CCDC171: variants seen among roughly 807,000 people sequenced by gnomAD.
CCDC171 encodes coiled-coil domain containing 171, also known as coiled-coil domain-containing protein 171.
CCDC171 carries 177 observed loss-of-function variants against 168.2 expected under a neutral mutation model. The observed-to-expected ratio is 1.05, with a 90% CI of 0.93 to 1.19. CCDC171 has a LOEUF of 1.19. Among genes scored for constraint, CCDC171 ranks in the 50% most tolerant of loss-of-function variants. The probability of loss-of-function intolerance (pLI) is 0.00; values close to 1 mark genes in which losing one functional copy is unlikely to be tolerated. For synonymous variants in CCDC171, 687 were observed against 540.8 expected (o/e 1.27, Z -3.75); for missense variants, 1,991 against 1,539.0 (o/e 1.29, Z -4.91).
intron 6 of CCDC171, among the ~76,000 whole-genome samples, chr9:15,614,722 A>C (rs1047092786): frequency 3.3e-5 from 5 of 152,210 alleles, no homozygotes; most frequent in African/African-American, 1.2e-4. Flanking sequence ...GATAATTTTT[A>C]AAAATATCAT....
chr9:15,735,957 T>C (rs1285577901), intron 16 of CCDC171, among the ~76,000 whole-genome samples: 1 of 152,156 alleles, frequency 6.6e-6, no homozygotes, highest in Non-Finnish European at 1.5e-5. Context: ...CTTGATATAA[T>C]TTTCAATGCT....
At chr9:15,992,303 A>G (rs897835738) in intron 3 of CCDC171, among the ~76,000 whole-genome samples, 9 of 152,230 alleles carry the variant, frequency 5.9e-5, no homozygotes, top group African/African-American at 1.4e-4. Flanking sequence ...GTAATCCAGC[A>G]TATAAACAGA....
chr9:15,659,964 A>G (rs186662682), intron 8 of CCDC171, among the ~76,000 whole-genome samples: 1 of 152,314 alleles, frequency 6.6e-6, no homozygotes, highest in East Asian at 1.9e-4. Flanking sequence ...ATTAAAAGCT[A>G]CTGCTTTCAA....
At chr9:16,091,549 C>T in the CCDC171 span, among the ~76,000 whole-genome samples, 1 of 152,156 alleles carries the variant, frequency 6.6e-6, no homozygotes, top group Non-Finnish European at 1.5e-5. Context: ...GAGCACAGGC[C>T]TGGTGTGAGT....
intron 7 of CCDC171, among the ~76,000 whole-genome samples, chr9:15,647,600 C>A (rs1400429258): frequency 6.6e-6 from 1 of 152,142 alleles, no homozygotes; most frequent in Non-Finnish European, 1.5e-5. Context: ...AGACTACCAT[C>A]AGAGAATACT....
chr9:16,019,237 C>T (rs1048904540), intron 3 of CCDC171, among the ~76,000 whole-genome samples: 1 of 152,102 alleles, frequency 6.6e-6, no homozygotes, highest in African/African-American at 2.4e-5. Flanking sequence ...AAGGCAGGTC[C>T]CTGGAAAAAA....
At chr9:15,563,745 G>C (rs536072155) in intron 1 of CCDC171, among the ~76,000 whole-genome samples, 1 of 152,192 alleles carries the variant, frequency 6.6e-6, no homozygotes, top group East Asian at 1.9e-4. Context: ...AGATCCTTTG[G>C]ATCTATATGT....
chr9:16,033,342 C>T (rs1246392214), intron 6 of CCDC171, among the ~76,000 whole-genome samples: 1 of 152,228 alleles, frequency 6.6e-6, no homozygotes, highest in Non-Finnish European at 1.5e-5. Flanking sequence ...TTCATCTGTA[C>T]TTACAGCCAC....
At chr9:15,709,210 T>C (rs2052473041) in intron 11 of CCDC171, among the ~76,000 whole-genome samples, 1 of 152,154 alleles carries the variant, frequency 6.6e-6, no homozygotes, top group South Asian at 2.1e-4. Flanking sequence ...ATTCTCCTCC[T>C]ACTCCGAAAA....
At chr9:15,876,478 G>A (rs537792834) in intron 24 of CCDC171, among the ~76,000 whole-genome samples, 2 of 152,010 alleles carry the variant, frequency 1.3e-5, no homozygotes, top group African/African-American at 2.4e-5. Flanking sequence ...CAAACACAAC[G>A]GGTAACTCCT....
chr9:15,691,397 C>T (rs947938633), intron 10 of CCDC171, among the ~76,000 whole-genome samples: 1 of 150,242 alleles, frequency 6.7e-6, no homozygotes, highest in African/African-American at 2.4e-5. Flanking sequence ...AATTATAAAA[C>T]ACATTGTGAA....
intron 25 of CCDC171, among the ~76,000 whole-genome samples, chr9:15,929,716 C>T (rs1245584979): frequency 6.6e-6 from 1 of 151,706 alleles, no homozygotes; most frequent in Admixed American, 6.6e-5. Context: ...CTTTTTTCTT[C>T]TATTCACCCT....
chr9:15,903,984 T>G (rs1176615671), intron 24 of CCDC171, among the ~76,000 whole-genome samples: 1 of 152,000 alleles, frequency 6.6e-6, no homozygotes, highest in Non-Finnish European at 1.5e-5. Flanking sequence ...GAAAACAGAA[T>G]GAAAAGAAAC....
At chr9:15,760,505 C>G (rs2056384437) in intron 18 of CCDC171, among the ~76,000 whole-genome samples, 1 of 152,186 alleles carries the variant, frequency 6.6e-6, no homozygotes, top group African/African-American at 2.4e-5. Flanking sequence ...ATTACTTAAT[C>G]TCATTTCAGC....
intron 25 of CCDC171, among the ~76,000 whole-genome samples, chr9:15,921,039 A>G (rs1487899984): frequency 1.3e-5 from 2 of 151,748 alleles, no homozygotes; most frequent in African/African-American, 4.8e-5. Context: ...ACATAAAGGA[A>G]TAAGTAAACA....
the CCDC171 span, among the ~76,000 whole-genome samples, chr9:16,094,724 C>A: frequency 1.4e-4 from 21 of 152,242 alleles, no homozygotes; most frequent in African/African-American, 4.8e-4. Flanking sequence ...TTAAAGCAAA[C>A]AAGTTTGTAT....
chr9:15,590,975 G>A (rs1038545283), intron 4 of CCDC171, among the ~76,000 whole-genome samples: 2 of 151,636 alleles, frequency 1.3e-5, no homozygotes, highest in Non-Finnish European at 2.9e-5. Context: ...TCAGCCTCCA[G>A]AGTAGCTGGG....
At chr9:15,785,345 C>T (rs2057887215) in intron 21 of CCDC171, among the ~76,000 whole-genome samples, 1 of 151,918 alleles carries the variant, frequency 6.6e-6, no homozygotes, top group Non-Finnish European at 1.5e-5. Flanking sequence ...GAACTAAATC[C>T]AGGGAAACAA....
At chr9:15,699,386 TGAAA>T (rs1348499174) in intron 11 of CCDC171, among the ~76,000 whole-genome samples, 5 of 151,464 alleles carry the variant, frequency 3.3e-5, no homozygotes, top group Non-Finnish European at 7.4e-5. Flanking sequence ...TTGCAAAGAG[TGAAA>T]GAACAAAGCT....
Sources: gnomAD v4.1 joint callset for allele counts (sites outside exome capture counted in the v4.1 genomes callset) on GRCh38, gnomAD v4.1.1 for gene constraint, MANE v1.5 for transcripts, NCBI Gene and HGNC (gene_info 2026-07-23, HGNC 2026-07-21) for gene names.